Variants in KCNH5 observed in about 807,000 individuals in gnomAD.
KCNH5 encodes potassium voltage-gated channel subfamily H member 5, also known as voltage-gated delayed rectifier potassium channel KCNH5.
KCNH5 carries 46 observed loss-of-function variants against 96.1 expected under a neutral mutation model. That is an observed-to-expected ratio of 0.48 (90% CI 0.38 to 0.61). The LOEUF (loss-of-function observed/expected upper bound fraction) is 0.61, where lower values mean the gene tolerates loss of function less well. Ranked by LOEUF, KCNH5 falls within the 20% of genes least tolerant of loss-of-function variation. The pLI, the probability that KCNH5 is intolerant of heterozygous loss-of-function variation, is 0.00. For missense variants in KCNH5, 907 were observed against 1,225.8 expected (o/e 0.74, Z 3.88); for synonymous variants, 439 against 449.8 (o/e 0.98, Z 0.30).
At chr14:62,808,807 T>A (rs1413972775) in intron 8 of KCNH5, among the ~76,000 whole-genome samples, 1 of 152,144 alleles carries the variant, frequency 6.6e-6, no homozygotes, top group African/African-American at 2.4e-5. Context: ...GTGGCTTTAA[T>A]TGTGGCTGTC....
At position 62,909,138 on chromosome 14, in the gene KCNH5, C is replaced by T. The variant is rs1051423424; in HGVS notation, c.1369+40995G>A. Among the ~76,000 whole-genome samples, 5 of 144,194 alleles carry T rather than the reference C, an allele frequency of 3.5e-5. No individual in the cohort carries two copies. The East Asian group carries it at 6.3e-4, about 18-fold the overall frequency. The allele number at this position is 144,194 out of a possible 152,430, so 94.6% of individuals were successfully genotyped here. A position where few individuals can be genotyped will look rare whatever the true frequency, so the allele number is the denominator to read the frequency against. On this transcript the variant is annotated intron_variant, in intron 7 of 10. Transcript: ENST00000322893. ...TCGGCTCACTGCAAGCTCCGCCTCCCGGGTTCACGCCATTCTCCTGCCTCA... is the reference window on the plus strand; with the variant it reads ...TCGGCTCACTGCAAGCTCCGCCTCCTGGGTTCACGCCATTCTCCTGCCTCA...
intron 10 of KCNH5, among the ~76,000 whole-genome samples, chr14:62,744,912 T>A (rs1405202122): frequency 1.3e-5 from 2 of 152,288 alleles, no homozygotes; most frequent in South Asian, 2.1e-4. Flanking sequence ...ATCATAGTTT[T>A]CAGAATACCT....
At chr14:62,711,144 T>C (rs1336154810) in intron 10 of KCNH5, among the ~76,000 whole-genome samples, 1 of 152,184 alleles carries the variant, frequency 6.6e-6, no homozygotes, top group Non-Finnish European at 1.5e-5. Context: ...TCAGGGTGTT[T>C]TGTGTTGTAA....
At chr14:63,010,467 G>A (rs970191827) in intron 2 of KCNH5, among the ~76,000 whole-genome samples, 22 of 152,272 alleles carry the variant, frequency 1.4e-4, no homozygotes, top group Admixed American at 1.3e-3. Flanking sequence ...CTTAAAGGGA[G>A]ATGTGCATGG....
At chr14:63,014,758 A>G (rs115947777) in intron 2 of KCNH5, among the ~76,000 whole-genome samples, 3,488 of 152,184 alleles carry the variant, frequency 0.023, 131 homozygotes, top group African/African-American at 0.078. Flanking sequence ...CAGAGAAGGG[A>G]AAAACCTGTC....
chr14:63,039,497 A>G (rs1891783098), intron 1 of KCNH5, among the ~76,000 whole-genome samples: 1 of 152,078 alleles, frequency 6.6e-6, no homozygotes, highest in Non-Finnish European at 1.5e-5. Context: ...AATTATATAA[A>G]GATGTCTCAT....
At chr14:62,717,084 G>A (rs1014436691) in intron 10 of KCNH5, among the ~76,000 whole-genome samples, 1 of 152,100 alleles carries the variant, frequency 6.6e-6, no homozygotes, top group Admixed American at 6.5e-5. Context: ...TTTATCAAAA[G>A]AAGAAGTGTA....
chr14:63,018,751 T>G (rs1249355541), intron 1 of KCNH5, among the ~76,000 whole-genome samples: 2 of 151,984 alleles, frequency 1.3e-5, no homozygotes, highest in African/African-American at 4.8e-5. Context: ...AAAATGTAAT[T>G]CTCCTCAGAG....
At chr14:62,961,827 T>C (rs1037150517) in intron 6 of KCNH5, among the ~76,000 whole-genome samples, 10 of 148,944 alleles carry the variant, frequency 6.7e-5, no homozygotes, top group African/African-American at 2.2e-4. Flanking sequence ...GAGATGCAGA[T>C]AGAGATGGAG....
At chr14:62,725,413 G>C (rs920639144) in intron 10 of KCNH5, among the ~76,000 whole-genome samples, 1 of 152,158 alleles carries the variant, frequency 6.6e-6, no homozygotes, top group African/African-American at 2.4e-5. Context: ...AAGAGTTTTT[G>C]CCATTTTCTA....
intron 7 of KCNH5, among the ~76,000 whole-genome samples, chr14:62,905,842 C>T (rs908377667): frequency 2.4e-4 from 37 of 152,184 alleles, no homozygotes; most frequent in African/African-American, 7.2e-4. Flanking sequence ...AAAAGAGCAA[C>T]GTGTTCAGTA....
chr14:62,995,181 AG>A (rs1890884044), intron 4 of KCNH5, among the ~76,000 whole-genome samples: 1 of 152,098 alleles, frequency 6.6e-6, no homozygotes, highest in African/African-American at 2.4e-5. Context: ...CGATACAAGT[AG>A]GAGATTAATG....
At chr14:62,869,459 A>C (rs1174588352) in intron 7 of KCNH5, among the ~76,000 whole-genome samples, 1 of 151,990 alleles carries the variant, frequency 6.6e-6, no homozygotes, top group African/African-American at 2.4e-5. Flanking sequence ...TAGATTGCAA[A>C]AATTTTCTCC....
At chr14:62,860,283 C>G (rs1004023912) in intron 7 of KCNH5, among the ~76,000 whole-genome samples, 1 of 152,188 alleles carries the variant, frequency 6.6e-6, no homozygotes, top group Admixed American at 6.5e-5. Flanking sequence ...CCAAAGGCTC[C>G]AAACAGCATC....
intron 10 of KCNH5, among the ~76,000 whole-genome samples, chr14:62,731,096 T>C (rs1732966568): frequency 6.6e-6 from 1 of 151,178 alleles, no homozygotes; most frequent in Middle Eastern, 3.4e-3. Context: ...AGGTCAGGAG[T>C]TCAAGACCAG....
Position 62,879,121 on chromosome 14 carries a change from C to A in KCNH5, c.1370-29269G>T, listed in dbSNP as rs146983497. Among the ~76,000 whole-genome samples, 233 of 152,150 alleles carry A rather than the reference C, an allele frequency of 1.5e-3. 2 individuals are homozygous for A. Among genetic ancestry groups the A allele is most frequent in the East Asian group, 0.011 (58 of 5,178 alleles). ...TAAAAACAAAAACAATTATCAAAAT[C>A]ATTAGTAATCAGTTTAATAGAAACT... On this transcript the variant is annotated intron_variant, in intron 7 of 10. Transcript: ENST00000322893.
intron 10 of KCNH5, among the ~76,000 whole-genome samples, chr14:62,736,399 T>TAAA (rs71120230): frequency 6.8e-6 from 1 of 146,724 alleles, no homozygotes. Context: ...TTCACCTTAA[T>TAAA]AAAAAAAAAA....
chr14:62,756,268 G>T (rs1712636459), intron 10 of KCNH5, among the ~76,000 whole-genome samples: 1 of 151,944 alleles, frequency 6.6e-6, no homozygotes, highest in African/African-American at 2.4e-5. Context: ...CTATGATGAA[G>T]ACTATAATAC....
At chr14:62,754,443 T>C (rs1885573804) in intron 10 of KCNH5, among the ~76,000 whole-genome samples, 1 of 151,662 alleles carries the variant, frequency 6.6e-6, no homozygotes, top group Non-Finnish European at 1.5e-5. Flanking sequence ...TCAGAAGACG[T>C]AGAGTGGCTG....
Sources: allele counts gnomAD v4.1 joint callset (sites outside exome capture counted in the v4.1 genomes callset), GRCh38; gene constraint gnomAD v4.1.1; transcripts MANE v1.5; gene names NCBI Gene and HGNC (gene_info 2026-07-23, HGNC 2026-07-21).